The following SLC1A2 variants were observed in gnomAD, a reference collection of about 807,000 sequenced individuals.
SLC1A2 encodes solute carrier family 1 member 2, also known as excitatory amino acid transporter 2.
In SLC1A2, 15 loss-of-function variants were observed where a neutral mutation model predicts 48.8. The ratio of observed to expected loss-of-function variants is 0.31; its 90% CI spans 0.21 to 0.47. The LOEUF is 0.47. SLC1A2 is among the 20% of genes least tolerant of loss of function. The probability of loss-of-function intolerance (pLI) is 0.99; values close to 1 mark genes in which losing one functional copy is unlikely to be tolerated. For missense variants in SLC1A2, 502 were observed against 730.5 expected (o/e 0.69, Z 3.61); for synonymous variants, 279 against 272.6 (o/e 1.02, Z -0.23).
chr11:35,362,108 T>C (rs796629947), intron 1 of SLC1A2, among the ~76,000 whole-genome samples: 94 of 152,346 alleles, frequency 6.2e-4, no homozygotes, highest in African/African-American at 2.1e-3. Context: ...GTATAGGCAA[T>C]GGTGGAGATC....
chr11:35,356,722 T>G (rs767894118), intron 1 of SLC1A2, among the ~76,000 whole-genome samples: 3 of 152,168 alleles, frequency 2.0e-5, no homozygotes, highest in African/African-American at 4.8e-5. Context: ...GTAAAATCTC[T>G]GACAATTTAG....
chr11:35,262,415 G>A (rs945455068), intron 10 of SLC1A2, among the ~76,000 whole-genome samples: 6 of 152,122 alleles, frequency 3.9e-5, no homozygotes, highest in African/African-American at 1.4e-4. Context: ...TTTCTTGGCT[G>A]GGCTAAAGAA....
At chr11:35,358,065 A>T (rs956474224) in intron 1 of SLC1A2, among the ~76,000 whole-genome samples, 1 of 152,138 alleles carries the variant, frequency 6.6e-6, no homozygotes, top group African/African-American at 2.4e-5. Context: ...GAATCGCTCA[A>T]ACCCAAGAGG....
chr11:35,371,075 T>C, intron 1 of SLC1A2: 1 of 984,044 alleles, frequency 1.0e-6, no homozygotes, highest in Non-Finnish European at 1.2e-6. Context: ...TTGACTCATC[T>C]GTGTTCACTT....
intron 1 of SLC1A2, among the ~76,000 whole-genome samples, chr11:35,385,055 G>A (rs958038698): frequency 5.3e-5 from 8 of 152,308 alleles, no homozygotes; most frequent in African/African-American, 1.7e-4. Flanking sequence ...TGCATATGCT[G>A]ACAACATCAT....
Position 35,252,293 on chromosome 11 carries a change from G to A in SLC1A2, c.*8601C>T, listed in dbSNP as rs1216926780. 7 of 152,566 alleles carry A rather than the reference G, an allele frequency of 4.6e-5. No homozygotes were observed. Among genetic ancestry groups the A allele is most frequent in the Non-Finnish European group, 8.8e-5 (6 of 68,010 alleles). 9.5% of individuals were successfully genotyped at this position (152,566 alleles called of 1,614,324 possible). On this transcript the variant is annotated 3_prime_UTR_variant, in exon 11 of 11. Coordinates refer to ENST00000278379, the MANE Select transcript of SLC1A2 (RefSeq NM_004171.4). Reference sequence around the variant, plus strand: ...GTCATGAGCATCATGATGAGTATTTGGCAACCAGAGAGGCTGACCTTTCTC... The same window carrying A: ...GTCATGAGCATCATGATGAGTATTTAGCAACCAGAGAGGCTGACCTTTCTC...
intron 1 of SLC1A2, among the ~76,000 whole-genome samples, chr11:35,362,754 G>A (rs572925193): frequency 6.6e-5 from 10 of 152,038 alleles, no homozygotes; most frequent in African/African-American, 9.7e-5. Flanking sequence ...TTTGAGAGTC[G>A]CCATGGGAAT....
At chr11:35,314,686 A>G (rs2134884400) in intron 3 of SLC1A2, among the ~76,000 whole-genome samples, 1 of 150,592 alleles carries the variant, frequency 6.6e-6, no homozygotes, top group South Asian at 2.1e-4. Context: ...GCACTCCAGC[A>G]TGGGCAACAG....
At chr11:35,272,432 C>A (rs1039623624) in intron 9 of SLC1A2, among the ~76,000 whole-genome samples, 1 of 152,160 alleles carries the variant, frequency 6.6e-6, no homozygotes, top group Admixed American at 6.5e-5. Flanking sequence ...GGAAGATTCC[C>A]AGGATGCCCA....
intron 1 of SLC1A2, among the ~76,000 whole-genome samples, chr11:35,344,032 C>A (rs984916096): frequency 6.6e-6 from 1 of 151,928 alleles, no homozygotes; most frequent in African/African-American, 2.4e-5. Flanking sequence ...AACTCAGATC[C>A]TTTTTTACCC....
At chr11:35,273,550 A>G (rs949366747) in intron 9 of SLC1A2, among the ~76,000 whole-genome samples, 3 of 152,242 alleles carry the variant, frequency 2.0e-5, no homozygotes, top group Admixed American at 2.0e-4. Flanking sequence ...AAAGGCTTAT[A>G]TGACCCAGAA....
In SLC1A2 at chr11:35,284,085, T is replaced by C. The variant is rs191886601; in HGVS notation, c.1286+2672A>G. On this transcript the variant is annotated intron_variant, in intron 8 of 10. Coordinates refer to ENST00000278379, the MANE Select transcript of SLC1A2 (RefSeq NM_004171.4). ...ATTCATAGGGTGGTTGTGAAGATTTTATTATATATATATATATATATATAT... is the reference window on the plus strand; with the variant it reads ...ATTCATAGGGTGGTTGTGAAGATTTCATTATATATATATATATATATATAT... Among the ~76,000 whole-genome samples the C allele has an allele frequency of 2.1e-3, 138 of 64,872 alleles. 1 individual carries two copies. Among genetic ancestry groups the C allele is most frequent in the African/African-American group, 6.2e-3 (128 of 20,722 alleles). 42.6% of individuals were successfully genotyped at this position (64,872 alleles called of 152,430 possible). A position where few individuals can be genotyped will look rare whatever the true frequency, so the allele number is the denominator to read the frequency against.
At position 35,419,098 on chromosome 11, in the gene SLC1A2, C is replaced by T. The variant is rs906548249; in HGVS notation, c.-132G>A. ...AGGAGCCTCTGCCCGCCCTTCCACC[C>T]GCCTCCGGGGTAAGCCCTTTAGCGC... On this transcript the variant is annotated 5_prime_UTR_variant, in exon 1 of 11. Coordinates refer to ENST00000278379, the MANE Select transcript of SLC1A2 (RefSeq NM_004171.4). This position sits in a 1 kb window ranked among gnomAD's most constrained non-coding sequence, Gnocchi z 5.4. The T allele has an allele frequency of 1.4e-6, 1 of 727,464 alleles. No individual in the cohort carries two copies. The highest frequency in any genetic ancestry group is 3.0e-5 in the Admixed American group (1 of 33,280). 45.1% of individuals were successfully genotyped at this position (727,464 alleles called of 1,614,324 possible). A position where few individuals can be genotyped will look rare whatever the true frequency, so the allele number is the denominator to read the frequency against.
At position 35,256,710 on chromosome 11, in the gene SLC1A2, T is replaced by C. The variant is rs1398227558; in HGVS notation, c.*4184A>G. 1 of 152,144 alleles carries C rather than the reference T, an allele frequency of 6.6e-6. No homozygotes were observed. The highest frequency in any genetic ancestry group is 1.5e-5 in the Non-Finnish European group (1 of 68,028). 9.4% of individuals were successfully genotyped at this position (152,144 alleles called of 1,614,324 possible). On this transcript the variant is annotated 3_prime_UTR_variant, in exon 11 of 11. Transcript: ENST00000278379. ...ACTGAAAATTTCATTTGGTCCTTTTTCTTGGTTTGGAATGAGTTCAGTTGG... is the reference window on the plus strand; with the variant it reads ...ACTGAAAATTTCATTTGGTCCTTTTCCTTGGTTTGGAATGAGTTCAGTTGG...
chr11:35,359,118 T>C (rs1377732208), intron 1 of SLC1A2, among the ~76,000 whole-genome samples: 2 of 152,202 alleles, frequency 1.3e-5, no homozygotes, highest in African/African-American at 4.8e-5. Flanking sequence ...AATAAAATCT[T>C]AGTTAAAGCC....
At chr11:35,322,917 G>A (rs979960145) in intron 1 of SLC1A2, 3 of 613,546 alleles carry the variant, frequency 4.9e-6, no homozygotes, top group Non-Finnish European at 8.7e-6. Context: ...CCAACAGCCT[G>A]CAAATCCCTC....
intron 4 of SLC1A2, among the ~76,000 whole-genome samples, chr11:35,310,021 A>T (rs1391104365): frequency 6.6e-6 from 1 of 152,212 alleles, no homozygotes; most frequent in Non-Finnish European, 1.5e-5. Flanking sequence ...AGCCTTTGCC[A>T]TGGGCAGCTG....
chr11:35,405,078 G>GCACTGTGAGGACTCT (rs1228174046), intron 1 of SLC1A2, among the ~76,000 whole-genome samples: 1 of 152,156 alleles, frequency 6.6e-6, no homozygotes, highest in Non-Finnish European at 1.5e-5. Flanking sequence ...GTGAGGACTC[G>GCACTGTGAGGACTCT]CAGAGTCAAG....
chr11:35,389,177 A>AT (rs1483931735), intron 1 of SLC1A2, among the ~76,000 whole-genome samples: 3 of 152,220 alleles, frequency 2.0e-5, no homozygotes, highest in Non-Finnish European at 2.9e-5. Context: ...AAAAGAATCA[A>AT]TAAGAGAATG....
Sources: gnomAD v4.1 joint callset for allele counts (sites outside exome capture counted in the v4.1 genomes callset) on GRCh38, gnomAD v4.1.1 for gene constraint, Gnocchi (gnomAD v3.1) non-coding constraint, MANE v1.5 for transcripts, NCBI Gene and HGNC (gene_info 2026-07-23, HGNC 2026-07-21) for gene names.